Variants in BCL7C observed in about 807,000 individuals in gnomAD.
The protein encoded by BCL7C is BAF chromatin remodeling complex subunit BCL7C, also known as B-cell CLL/lymphoma 7 protein family member C.
Under a neutral mutation model 26.2 loss-of-function variants are expected in BCL7C, and 8 were observed. That is an observed-to-expected ratio of 0.30 (90% CI 0.18 to 0.55). BCL7C has a LOEUF of 0.55. Among genes scored for constraint, BCL7C ranks in the 20% least tolerant of loss-of-function variants. The pLI is 0.93. For missense variants in BCL7C, 262 were observed against 298.5 expected, an observed-to-expected ratio of 0.88 and a Z score of 0.90; for synonymous variants, 90 against 116.5, an observed-to-expected ratio of 0.77 and a Z score of 1.47.
intron 5 of BCL7C, among the ~76,000 whole-genome samples, chr16:30,874,901 C>G (rs1198572603): frequency 6.6e-6 from 1 of 152,180 alleles, no homozygotes; most frequent in African/African-American, 2.4e-5. Flanking sequence ...GGTGGAGGCC[C>G]GGAGCAGAAC....
chr16:30,859,009 T>G (rs559950662), intron 5 of BCL7C, among the ~76,000 whole-genome samples: 135 of 152,278 alleles, frequency 8.9e-4, no homozygotes, highest in Non-Finnish European at 1.6e-3. Context: ...GAATACAGAT[T>G]GCTAAGAGAA....
chr16:30,844,485 A>G (rs1453415668), intron 5 of BCL7C, among the ~76,000 whole-genome samples: 1 of 152,074 alleles, frequency 6.6e-6, no homozygotes, highest in African/African-American at 2.4e-5. Context: ...AAAGTTTATG[A>G]TAGTCCACAG....
At chr16:30,865,003 C>A (rs924210045) in intron 5 of BCL7C, among the ~76,000 whole-genome samples, 2 of 151,690 alleles carry the variant, frequency 1.3e-5, no homozygotes, top group Non-Finnish European at 2.9e-5. Context: ...CCCATCTCTA[C>A]TAAAAATACA....
chr16:30,882,424 A>G (rs1269907898), intron 5 of BCL7C, among the ~76,000 whole-genome samples: 2 of 152,156 alleles, frequency 1.3e-5, no homozygotes, highest in African/African-American at 2.4e-5. Flanking sequence ...AACAGCCACC[A>G]CTTCACGACA....
At chr16:30,849,328 A>C (rs911713592) in intron 5 of BCL7C, among the ~76,000 whole-genome samples, 1 of 152,152 alleles carries the variant, frequency 6.6e-6, no homozygotes, top group East Asian at 1.9e-4. Context: ...TATGTTTTCA[A>C]TTATTATGGC....
At chr16:30,845,939 T>A (rs2054631925) in intron 5 of BCL7C, among the ~76,000 whole-genome samples, 1 of 151,500 alleles carries the variant, frequency 6.6e-6, no homozygotes, top group Non-Finnish European at 1.5e-5. Flanking sequence ...ACCCCGTCTC[T>A]ACTAACAATA....
At chr16:30,864,348 AT>A (rs1255717561) in intron 5 of BCL7C, among the ~76,000 whole-genome samples, 1 of 151,750 alleles carries the variant, frequency 6.6e-6, no homozygotes, top group Non-Finnish European at 1.5e-5. Context: ...TTTAATACCT[AT>A]TTTTCTCCTT....
chr16:30,863,209 C>A (rs932704019), intron 5 of BCL7C, among the ~76,000 whole-genome samples: 3 of 152,164 alleles, frequency 2.0e-5, no homozygotes, highest in African/African-American at 7.2e-5. Flanking sequence ...CAGGCCTAAT[C>A]GCCACTCACC....
rs138744757 is a variant in BCL7C at position 30,847,061 on chromosome 16, C to G, written c.529-11913G>C. ...AGCTCAGGTCTATTCACTCTCAGCT[C>G]AAGTCACAGTCTGAGAATCAGAATG... On this transcript the variant is annotated intron_variant, in intron 5 of 5. Coordinates refer to the BCL7C transcript ENST00000380317. Among the ~76,000 whole-genome samples the G allele has an allele frequency of 3.4e-3, 514 of 152,308 alleles. 1 individual carries two copies. The highest frequency in any genetic ancestry group is 0.012 in the African/African-American group (502 of 41,552).
chr16:30,874,288 G>A (rs922079886), intron 5 of BCL7C, among the ~76,000 whole-genome samples: 9 of 151,998 alleles, frequency 5.9e-5, no homozygotes, highest in African/African-American at 2.2e-4. Flanking sequence ...GAGCCACTGA[G>A]CCCAGCCTAA....
intron 5 of BCL7C, among the ~76,000 whole-genome samples, chr16:30,844,348 CAAAAAAA>C (rs55663737): frequency 2.2e-4 from 16 of 73,406 alleles, no homozygotes; most frequent in Non-Finnish European, 3.5e-4. Context: ...GACTCCGTCT[CAAAAAAA>C]AAAAAAAAAA....
At chr16:30,842,651 C>T (rs1231805104) in intron 5 of BCL7C, among the ~76,000 whole-genome samples, 3 of 152,190 alleles carry the variant, frequency 2.0e-5, no homozygotes, top group African/African-American at 7.2e-5. Flanking sequence ...TCACTGCAAC[C>T]TCCACTTCCC....
Position 30,834,872 on chromosome 16 carries a change from C to T in BCL7C, c.*76G>A. 7.2e-7 allele frequency: 1 copy of T among 1,381,708 alleles called. No individual in the cohort carries two copies. Among genetic ancestry groups the T allele is most frequent in the Non-Finnish European group, 9.6e-7 (1 of 1,040,426 alleles). 85.6% of individuals were successfully genotyped at this position (1,381,708 alleles called of 1,614,324 possible). A position where few individuals can be genotyped will look rare whatever the true frequency, so the allele number is the denominator to read the frequency against. On this transcript the variant is annotated 3_prime_UTR_variant, in exon 6 of 6. Coordinates refer to the BCL7C transcript ENST00000380317. The surrounding 1 kb of genome is among the most constrained non-coding windows in gnomAD (Gnocchi z 4.3). ...TGAGCTGGGAAGCTCTTTCCGCCCTCGGGGCACAGGTAGTGGCTGGATCTT... is the reference window on the plus strand; with the variant it reads ...TGAGCTGGGAAGCTCTTTCCGCCCTTGGGGCACAGGTAGTGGCTGGATCTT...
chr16:30,848,864 C>T (rs1045456725), intron 5 of BCL7C, among the ~76,000 whole-genome samples: 3 of 145,806 alleles, frequency 2.1e-5, no homozygotes, highest in African/African-American at 7.6e-5. Context: ...TGCATTCCAG[C>T]CTGGGTGACA....
At chr16:30,846,003 G>A (rs909075092) in intron 5 of BCL7C, among the ~76,000 whole-genome samples, 6 of 150,522 alleles carry the variant, frequency 4.0e-5, no homozygotes, top group African/African-American at 1.5e-4. Flanking sequence ...TACTCCGGAG[G>A]CTGAGGCAGG....
chr16:30,864,390 G>T (rs867294772), intron 5 of BCL7C, among the ~76,000 whole-genome samples: 11 of 151,984 alleles, frequency 7.2e-5, no homozygotes, highest in Admixed American at 2.0e-4. Flanking sequence ...CTTCTGTTTA[G>T]TTTCTCAATT....
At chr16:30,849,669 T>C (rs1306931657) in intron 5 of BCL7C, among the ~76,000 whole-genome samples, 2 of 152,150 alleles carry the variant, frequency 1.3e-5, no homozygotes, top group East Asian at 1.9e-4. Context: ...CAGGCTGGTC[T>C]TGAACTCCTG....
chr16:30,866,410 C>T (rs1396161105), intron 5 of BCL7C, among the ~76,000 whole-genome samples: 1 of 151,904 alleles, frequency 6.6e-6, no homozygotes, highest in Non-Finnish European at 1.5e-5. Flanking sequence ...AACGCTGTCT[C>T]TACTAAAAAT....
intron 5 of BCL7C, among the ~76,000 whole-genome samples, chr16:30,835,494 ATCC>A (rs2054563811): frequency 6.6e-6 from 1 of 152,180 alleles, no homozygotes; most frequent in Non-Finnish European, 1.5e-5. Flanking sequence ...TGGTTGGTGC[ATCC>A]ACAGGCCATC....
Sources: allele counts gnomAD v4.1 joint callset (sites outside exome capture counted in the v4.1 genomes callset), GRCh38; gene constraint gnomAD v4.1.1; non-coding constraint Gnocchi (gnomAD v3.1); transcripts MANE v1.5; gene names NCBI Gene and HGNC (gene_info 2026-07-23, HGNC 2026-07-21).